The following IGF1R variants were observed in gnomAD, a reference collection of about 807,000 sequenced individuals.
IGF1R encodes the protein insulin-like growth factor 1 receptor.
Under a neutral mutation model 144.6 loss-of-function variants are expected in IGF1R, and 44 were observed. The ratio of observed to expected loss-of-function variants is 0.30; its 90% confidence interval spans 0.24 to 0.39. The LOEUF (loss-of-function observed/expected upper bound fraction) is 0.39, where lower values mean the gene tolerates loss of function less well. Among genes scored for constraint, IGF1R ranks in the 10% least tolerant of loss-of-function variants. IGF1R has a pLI of 1.00. For synonymous variants in IGF1R, 795 were observed against 722.8 expected, an observed-to-expected ratio of 1.10 and a Z score of -1.60; for missense variants, 1,355 against 1,833.7, an observed-to-expected ratio of 0.74 and a Z score of 4.77.
At position 98,891,307 on chromosome 15, in the gene IGF1R, T is replaced by C. The variant is rs1292390167; in HGVS notation, c.641-18T>C. On this transcript the variant is annotated intron_variant, in intron 2 of 20. Coordinates refer to ENST00000650285, the MANE Select transcript of IGF1R (RefSeq NM_000875.5). The surrounding 1 kb of genome is among the most constrained non-coding windows in gnomAD (Gnocchi z 4.7). ...TCCCCTGCCCGGTCTCATCTCCGTC[T>C]CTCCTCTCTCTCCACAGTGTGCCCA... The C allele has an allele frequency of 6.2e-7, 1 of 1,603,486 alleles. No individual in the cohort carries two copies.
At chr15:98,813,314 AC>A (rs1410498081) in intron 2 of IGF1R, among the ~76,000 whole-genome samples, 1 of 152,106 alleles carries the variant, frequency 6.6e-6, no homozygotes, top group African/African-American at 2.4e-5. Flanking sequence ...CAGGCCCCTT[AC>A]CACCTTTATT....
rs866214308 is a variant in IGF1R, at chr15:98,649,660, C to T, written c.79C>T (p.Pro27Ser). Residue 27 changes from proline (P) to serine (S), a missense_variant, in exon 1 of 21, where the codon CCG becomes TCG. Around this residue, in one of 7 missense-constraint regions of IGF1R, gnomAD observed 49 missense variants for 34.7 expected, o/e 1.41. Transcript: ENST00000650285. ...TCTCTCCGCCGCGCTCTCGCTCTGG[C>T]CGACGAGTGGAGAAAGTGAGTATGT... ...LFLSAALSLW[P>S]TSGEICGPGI... is the part of the protein sequence containing the mutation. The T allele has an allele frequency of 1.2e-6, 2 of 1,609,618 alleles. No individual in the cohort carries two copies. The highest frequency in any genetic ancestry group is 1.3e-5 in the African/African-American group (1 of 74,678).
At position 98,780,569 on chromosome 15, in the gene IGF1R, AAAAAAAGAGAG is replaced by A. The variant is rs1211102447; in HGVS notation, c.640+72464_640+72474del. On this transcript the variant is annotated intron_variant, in intron 2 of 20. Transcript: ENST00000650285. ...TGTCTCAAAAAAAAAAAAAAAAAAAAAAAAAAGAGAGAGAGAGTAAATAAAATTGTAAGGTG... is the reference window on the plus strand; with the variant it reads ...TGTCTCAAAAAAAAAAAAAAAAAAAAAGAGAGTAAATAAAATTGTAAGGTG... 6.4e-4 allele frequency among the ~76,000 whole-genome samples: 20 copies of A among 31,232 alleles called. 5 individuals are homozygous for A. The highest frequency in any genetic ancestry group is 5.4e-3 in the South Asian group (3 of 556). 20.5% of individuals were successfully genotyped at this position (31,232 alleles called of 152,430 possible).
intron 1 of IGF1R, among the ~76,000 whole-genome samples, chr15:98,684,810 G>C (rs2053283757): frequency 6.6e-6 from 1 of 151,944 alleles, no homozygotes; most frequent in Non-Finnish European, 1.5e-5. Flanking sequence ...CTAATATTTA[G>C]TGAGTGTGAT....
At chr15:98,900,577 T>C (rs1200432683) in intron 5 of IGF1R, 2 of 152,232 alleles carry the variant, frequency 1.3e-5, no homozygotes, top group Non-Finnish European at 1.5e-5. Flanking sequence ...AATTCCATCA[T>C]CTGATAGAGC....
intron 2 of IGF1R, among the ~76,000 whole-genome samples, chr15:98,845,235 G>A (rs895633522): frequency 6.6e-6 from 1 of 152,134 alleles, no homozygotes; most frequent in African/African-American, 2.4e-5. Flanking sequence ...CTTGTGAATT[G>A]CGCCTCAGTA....
At chr15:98,883,648 C>T (rs1010194137) in intron 2 of IGF1R, among the ~76,000 whole-genome samples, 19 of 152,338 alleles carry the variant, frequency 1.2e-4, no homozygotes, top group African/African-American at 4.6e-4. Context: ...CATGGTGGCA[C>T]ACCTGTCAGC....
At chr15:98,879,854 C>T (rs572790483) in intron 2 of IGF1R, among the ~76,000 whole-genome samples, 17 of 152,262 alleles carry the variant, frequency 1.1e-4, no homozygotes, top group African/African-American at 3.9e-4. Flanking sequence ...ATTACCTATG[C>T]TAAGTAAAAG....
chr15:98,931,121 G>C (rs546342081), intron 15 of IGF1R, among the ~76,000 whole-genome samples: 1 of 152,276 alleles, frequency 6.6e-6, no homozygotes, highest in Non-Finnish European at 1.5e-5. Context: ...ACTTGTGCAG[G>C]CTCACATGGT....
chr15:98,812,072 ATAAAG>A (rs2056603121), intron 2 of IGF1R, among the ~76,000 whole-genome samples: 1 of 152,198 alleles, frequency 6.6e-6, no homozygotes, highest in Non-Finnish European at 1.5e-5. Context: ...TCTCCATTTG[ATAAAG>A]TATAGTTTAA....
intron 2 of IGF1R, among the ~76,000 whole-genome samples, chr15:98,792,934 C>T (rs1292091899): frequency 6.6e-6 from 1 of 152,146 alleles, no homozygotes; most frequent in African/African-American, 2.4e-5. Flanking sequence ...TCTGTAAACG[C>T]GTGTAGCTTT....
chr15:98,664,240 C>A (rs1024442559), intron 1 of IGF1R, among the ~76,000 whole-genome samples: 1 of 152,188 alleles, frequency 6.6e-6, no homozygotes, highest in South Asian at 2.1e-4. Flanking sequence ...CTTTTCCCCC[C>A]AGTCTTGTTT....
chr15:98,935,345 C>G lies in IGF1R; in HGVS notation c.3216C>G (p.Gly1072=). ...GATTGCTGGGTGTGGTGTCCCAAGG[C>G]CAGCCAACACTGGTCATCATGGAAC... ...VVRLLGVVSQ[G]QPTLVIMELM... is the part of the protein sequence containing the mutation. Residue 1072 remains glycine (G), a synonymous_variant, in exon 17 of 21, where the codon GGC becomes GGG. Coordinates refer to ENST00000650285, the MANE Select transcript of IGF1R (RefSeq NM_000875.5). The surrounding 1 kb of genome is among the most constrained non-coding windows in gnomAD (Gnocchi z 4.2). The G allele has an allele frequency of 1.9e-6, 3 of 1,551,180 alleles. No homozygotes were observed. The highest frequency in any genetic ancestry group is 2.6e-6 in the Non-Finnish European group (3 of 1,146,676).
rs1255674998 is a variant in IGF1R, at chr15:98,858,141, AATTC to A, written c.641-33181_641-33178del. ...TGGTTCTGTCAATCAAGTGGCTATC[AATTC>A]ATGGCTATTCAAAAGCTTTTGTGGC... On this transcript the variant is annotated intron_variant, in intron 2 of 20. Coordinates refer to ENST00000650285, the MANE Select transcript of IGF1R (RefSeq NM_000875.5). Among the ~76,000 whole-genome samples, 3 of 152,274 alleles carry A rather than the reference AATTC, an allele frequency of 2.0e-5. No individual in the cohort carries two copies. The East Asian group carries it at 5.8e-4, about 29-fold the overall frequency.
intron 2 of IGF1R, among the ~76,000 whole-genome samples, chr15:98,831,312 C>T (rs1014916250): frequency 1.3e-5 from 2 of 152,218 alleles, no homozygotes; most frequent in African/African-American, 4.8e-5. Context: ...TTTCTCTCCA[C>T]CAGAATCCAT....
intron 1 of IGF1R, among the ~76,000 whole-genome samples, chr15:98,663,823 C>A (rs2052659401): frequency 1.3e-5 from 2 of 152,246 alleles, no homozygotes; most frequent in African/African-American, 4.8e-5. Context: ...CCTTACCATG[C>A]AAGTGAAGAG....
chr15:98,704,447 C>G lies in IGF1R; in HGVS notation c.95-3115C>G, dbSNP rs377074490. ...CGGTGTGTTGGAGGTTGGTGAGTCC[C>G]GTGGAGTCTTGTCAGATGGTGTTGG... On this transcript the variant is annotated intron_variant, in intron 1 of 20. Coordinates refer to ENST00000650285, the MANE Select transcript of IGF1R (RefSeq NM_000875.5). This position sits in a 1 kb window ranked among gnomAD's most constrained non-coding sequence, Gnocchi z 4.9. Among the ~76,000 whole-genome samples, 1 of 151,936 alleles carries G rather than the reference C, an allele frequency of 6.6e-6. No individual in the cohort carries two copies. The highest frequency in any genetic ancestry group is 2.1e-4 in the South Asian group (1 of 4,818).
At chr15:98,855,290 C>A (rs932256325) in intron 2 of IGF1R, among the ~76,000 whole-genome samples, 1 of 152,216 alleles carries the variant, frequency 6.6e-6, no homozygotes, top group Non-Finnish European at 1.5e-5. Flanking sequence ...TCTCAGCCAG[C>A]GTGGGCACCT....
chr15:98,839,328 A>G (rs377087062), intron 2 of IGF1R, among the ~76,000 whole-genome samples: 15 of 152,282 alleles, frequency 9.9e-5, no homozygotes, highest in African/African-American at 3.6e-4. Context: ...GTGACTCTAG[A>G]GTACCTACTC....
Sources: allele counts gnomAD v4.1 joint callset (sites outside exome capture counted in the v4.1 genomes callset), GRCh38; gene constraint gnomAD v4.1.1; regional missense constraint gnomAD v4.1.1; non-coding constraint Gnocchi (gnomAD v3.1); transcripts MANE v1.5; gene names NCBI Gene and HGNC (gene_info 2026-07-23, HGNC 2026-07-21).